Variants in LSAMP observed in about 807,000 individuals in gnomAD.
LSAMP encodes the protein limbic system-associated membrane protein.
Under a neutral mutation model 38.6 loss-of-function variants are expected in LSAMP, and 7 were observed. The ratio of observed to expected loss-of-function variants is 0.18; its 90% CI spans 0.10 to 0.34. The LOEUF (loss-of-function observed/expected upper bound fraction) is 0.34. Ranked by LOEUF, LSAMP falls within the 10% of genes least tolerant of loss-of-function variation. The pLI, the probability that LSAMP is intolerant of heterozygous loss-of-function variation, is 1.00. For missense variants in LSAMP, 313 were observed against 420.0 expected, an observed-to-expected ratio of 0.75 and a Z score of 2.23; for synonymous variants, 154 against 166.8, an observed-to-expected ratio of 0.92 and a Z score of 0.59.
At chr3:116,057,063 G>A (rs1941502906) in intron 2 of LSAMP, among the ~76,000 whole-genome samples, 1 of 152,144 alleles carries the variant, frequency 6.6e-6, no homozygotes, top group Admixed American at 6.6e-5. Flanking sequence ...GACCTTGTCT[G>A]TGGCAACTGC....
At chr3:116,080,391 C>A (rs1341301545) in intron 2 of LSAMP, among the ~76,000 whole-genome samples, 1 of 152,062 alleles carries the variant, frequency 6.6e-6, no homozygotes, top group Non-Finnish European at 1.5e-5. Flanking sequence ...GAAGGAAGGA[C>A]AAAAGCAGTT....
At chr3:116,318,226 A>G (rs1393446096) in intron 1 of LSAMP, among the ~76,000 whole-genome samples, 1 of 152,062 alleles carries the variant, frequency 6.6e-6, no homozygotes, top group African/African-American at 2.4e-5. Flanking sequence ...AGTTCCTTAG[A>G]CAATCTACAT....
At chr3:116,164,731 T>A (rs1710000060) in intron 1 of LSAMP, among the ~76,000 whole-genome samples, 1 of 103,372 alleles carries the variant, frequency 9.7e-6, no homozygotes, top group Non-Finnish European at 1.8e-5. Context: ...ATAATCCAAA[T>A]ATATATATAT....
In LSAMP at chr3:115,960,060, C is replaced by T. The variant is rs1052253825; in HGVS notation, c.514+59455G>A. On this transcript the variant is annotated intron_variant, in intron 3 of 6. Coordinates refer to ENST00000490035, the MANE Select transcript of LSAMP (RefSeq NM_002338.5). Reference sequence around the variant, plus strand: ...AAACTGAAGATTTGTGTCCCTTACTCTTATGAGCTGAATTGTGTCCCCTGC... The same window carrying T: ...AAACTGAAGATTTGTGTCCCTTACTTTTATGAGCTGAATTGTGTCCCCTGC... 6.6e-5 allele frequency among the ~76,000 whole-genome samples: 10 copies of T among 152,118 alleles called. No individual in the cohort carries two copies. In the East Asian group the frequency reaches 1.9e-3, roughly 29 times the overall value.
chr3:116,260,123 T>C (rs2046805327), intron 1 of LSAMP, among the ~76,000 whole-genome samples: 1 of 152,190 alleles, frequency 6.6e-6, no homozygotes, highest in African/African-American at 2.4e-5. Flanking sequence ...GATGGTTTTA[T>C]GTGATTGTCT....
intron 1 of LSAMP, among the ~76,000 whole-genome samples, chr3:116,195,219 G>A (rs1710855231): frequency 6.6e-6 from 1 of 152,130 alleles, no homozygotes; most frequent in Non-Finnish European, 1.5e-5. Flanking sequence ...GCTAGTCACT[G>A]GGTTACTCAC....
intron 4 of LSAMP, among the ~76,000 whole-genome samples, chr3:115,847,498 T>C (rs1408095412): frequency 6.6e-6 from 1 of 151,932 alleles, no homozygotes; most frequent in Non-Finnish European, 1.5e-5. Context: ...GTTGGTGATA[T>C]GGTTTGGCTG....
rs547734860 is a variant in LSAMP, at chr3:116,439,200, G to A, written c.155+5677C>T. ...CAGCTGATGGTACTGTGCTCCCGTGGCTGTGAAGTATCGAATGCAGTGCTT... is the reference window on the plus strand; with the variant it reads ...CAGCTGATGGTACTGTGCTCCCGTGACTGTGAAGTATCGAATGCAGTGCTT... On this transcript the variant is annotated intron_variant, in intron 1 of 6. Transcript: ENST00000490035. Among the ~76,000 whole-genome samples the A allele has an allele frequency of 3.3e-5, 5 of 152,266 alleles. No homozygotes were observed. The South Asian group carries it at 1.0e-3, about 32-fold the overall frequency.
chr3:116,434,742 G>C (rs1164792303), intron 1 of LSAMP, among the ~76,000 whole-genome samples: 2 of 152,124 alleles, frequency 1.3e-5, no homozygotes, highest in African/African-American at 2.4e-5. Context: ...AGTAGAGACA[G>C]GGTGCCACCA....
intron 1 of LSAMP, among the ~76,000 whole-genome samples, chr3:116,293,765 T>C (rs1248917341): frequency 1.3e-5 from 2 of 152,170 alleles, no homozygotes; most frequent in African/African-American, 4.8e-5. Flanking sequence ...CTGAAACTGT[T>C]AAAAGTGGGA....
chr3:116,262,786 G>A (rs2046840909), intron 1 of LSAMP, among the ~76,000 whole-genome samples: 1 of 152,186 alleles, frequency 6.6e-6, no homozygotes, highest in Non-Finnish European at 1.5e-5. Context: ...CAGACAGAAG[G>A]AGGGAAAGGA....
chr3:116,395,349 C>G (rs778535578), intron 1 of LSAMP, among the ~76,000 whole-genome samples: 2 of 152,172 alleles, frequency 1.3e-5, no homozygotes, highest in African/African-American at 2.4e-5. Context: ...CAGCTCTTCC[C>G]TGGATGAGCA....
At chr3:115,918,680 G>T (rs1937310898) in intron 3 of LSAMP, among the ~76,000 whole-genome samples, 1 of 148,274 alleles carries the variant, frequency 6.7e-6, no homozygotes, top group Non-Finnish European at 1.5e-5. Context: ...TTCATTTTTA[G>T]ATTAGGGACA....
At chr3:116,071,825 C>A (rs1707612611) in intron 2 of LSAMP, among the ~76,000 whole-genome samples, 1 of 152,132 alleles carries the variant, frequency 6.6e-6, no homozygotes, top group African/African-American at 2.4e-5. Context: ...ATTCAGCTCC[C>A]ACTTACAAGT....
chr3:116,309,338 ACTTT>A (rs2047525994), intron 1 of LSAMP, among the ~76,000 whole-genome samples: 1 of 152,084 alleles, frequency 6.6e-6, no homozygotes, highest in Admixed American at 6.6e-5. Context: ...GCACAACAGA[ACTTT>A]CTGTGACAAT....
At chr3:115,867,983 C>T (rs746715771) in intron 3 of LSAMP, among the ~76,000 whole-genome samples, 45 of 152,080 alleles carry the variant, frequency 3.0e-4, no homozygotes, top group Non-Finnish European at 5.7e-4. Flanking sequence ...CTTTTGTCCT[C>T]TTTAAAGGAC....
intron 1 of LSAMP, among the ~76,000 whole-genome samples, chr3:116,094,204 T>C (rs1260325997): frequency 6.6e-6 from 1 of 152,160 alleles, no homozygotes; most frequent in Non-Finnish European, 1.5e-5. Context: ...AAGATTAGAC[T>C]CAATTAGAAA....
At chr3:116,203,319 A>C (rs1473098990) in intron 1 of LSAMP, among the ~76,000 whole-genome samples, 1 of 152,178 alleles carries the variant, frequency 6.6e-6, no homozygotes, top group Non-Finnish European at 1.5e-5. Context: ...TTTTATCATG[A>C]ATATATATAG....
chr3:116,259,881 A>G (rs2046802555), intron 1 of LSAMP, among the ~76,000 whole-genome samples: 2 of 152,186 alleles, frequency 1.3e-5, no homozygotes, highest in Admixed American at 1.3e-4. Context: ...TATCCTCTGC[A>G]GCAGCATCAC....
Sources: allele counts gnomAD v4.1 joint callset (sites outside exome capture counted in the v4.1 genomes callset), GRCh38; gene constraint gnomAD v4.1.1; transcripts MANE v1.5; gene names NCBI Gene and HGNC (gene_info 2026-07-23, HGNC 2026-07-21).